The following AUTS2 variants were observed in gnomAD, a reference collection of about 807,000 sequenced individuals.
AUTS2 encodes autism susceptibility gene 2 protein.
Under a neutral mutation model 112.4 loss-of-function variants are expected in AUTS2, and 17 were observed. The observed-to-expected ratio is 0.15, with a 90% CI of 0.10 to 0.23. The LOEUF (loss-of-function observed/expected upper bound fraction) is 0.23, where lower values mean the gene tolerates loss of function less well. Ranked by LOEUF, AUTS2 falls within the 10% of genes least tolerant of loss-of-function variation. The pLI is 1.00. For synonymous variants in AUTS2, 751 were observed against 702.7 expected, an observed-to-expected ratio of 1.07 and a Z score of -1.09; for missense variants, 1,510 against 1,701.6, an observed-to-expected ratio of 0.89 and a Z score of 1.98.
intron 2 of AUTS2, among the ~76,000 whole-genome samples, chr7:70,088,124 TTTTG>T (rs1562679352): frequency 6.6e-6 from 1 of 152,038 alleles, no homozygotes; most frequent in African/African-American, 2.4e-5. Flanking sequence ...TCATTCATAT[TTTTG>T]TTTGTTTGTT....
At chr7:70,655,586 T>C (rs1366930248) in intron 5 of AUTS2, among the ~76,000 whole-genome samples, 1 of 152,182 alleles carries the variant, frequency 6.6e-6, no homozygotes, top group East Asian at 1.9e-4. Flanking sequence ...GCTGTTCTGT[T>C]TGAGCAGGGG....
intron 5 of AUTS2, among the ~76,000 whole-genome samples, chr7:70,517,479 C>A (rs1799461236): frequency 6.6e-6 from 1 of 151,566 alleles, no homozygotes; most frequent in Admixed American, 6.6e-5. Context: ...ATCTACAGAA[C>A]CAACTAGAGT....
chr7:70,419,488 G>A (rs759935985), intron 4 of AUTS2, among the ~76,000 whole-genome samples: 16 of 152,096 alleles, frequency 1.1e-4, no homozygotes, highest in Non-Finnish European at 1.2e-4. Flanking sequence ...TATATGAAGA[G>A]TCTATCTTAG....
chr7:70,084,709 A>G (rs537135655), intron 2 of AUTS2, among the ~76,000 whole-genome samples: 6 of 152,102 alleles, frequency 3.9e-5, no homozygotes, highest in Middle Eastern at 6.3e-3. Flanking sequence ...TCTTTTGCCA[A>G]TTTTTAAAAA....
chr7:70,515,600 A>C (rs967480805), intron 5 of AUTS2, among the ~76,000 whole-genome samples: 1 of 152,080 alleles, frequency 6.6e-6, no homozygotes, highest in Non-Finnish European at 1.5e-5. Flanking sequence ...AACGAGACCC[A>C]GGGGGACATT....
At chr7:70,600,160 GTTTT>G (rs1803405057) in intron 5 of AUTS2, among the ~76,000 whole-genome samples, 1 of 152,118 alleles carries the variant, frequency 6.6e-6, no homozygotes, top group Non-Finnish European at 1.5e-5. Context: ...TTTTCTGTTT[GTTTT>G]GTTTTCTAAT....
intron 2 of AUTS2, among the ~76,000 whole-genome samples, chr7:70,021,987 A>G (rs1172006245): frequency 6.6e-6 from 1 of 151,842 alleles, no homozygotes; most frequent in Non-Finnish European, 1.5e-5. Context: ...ATAGAGGCAA[A>G]GAGCATGGAC....
Position 70,791,092 on chromosome 7 carries a change from G to C in AUTS2, c.*96G>C. 8.6e-6 allele frequency: 11 copies of C among 1,276,724 alleles called. No homozygotes were observed. Among genetic ancestry groups the C allele is most frequent in the African/African-American group, 1.5e-5 (1 of 66,058 alleles). 79.1% of individuals were successfully genotyped at this position (1,276,724 alleles called of 1,614,324 possible). A position where few individuals can be genotyped will look rare whatever the true frequency, so the allele number is the denominator to read the frequency against. On this transcript the variant is annotated 3_prime_UTR_variant, in exon 19 of 19. Coordinates refer to ENST00000342771, the MANE Select transcript of AUTS2 (RefSeq NM_015570.4). ...ACTCCTGCATGGCTCACACAGACTG[G>C]GGGGGAAAGCCCCACCCCTTCCCCT...
chr7:70,269,054 T>A (rs1283045090), intron 4 of AUTS2, among the ~76,000 whole-genome samples: 2 of 152,168 alleles, frequency 1.3e-5, no homozygotes, highest in Non-Finnish European at 2.9e-5. Flanking sequence ...TGTGCAGCTG[T>A]TCTTCAATAA....
Position 69,853,008 on chromosome 7 carries a change from T to C in AUTS2, c.310-46278T>C, listed in dbSNP as rs191438004. ...TTGTGGTCAGAGAATACACTGTATA[T>C]GATTTCAGTTCTTTTAAATTTGCTA... On this transcript the variant is annotated intron_variant, in intron 1 of 18. Transcript: ENST00000342771. Among the ~76,000 whole-genome samples, 428 of 152,304 alleles carry C rather than the reference T, an allele frequency of 2.8e-3. 1 individual carries two copies. The highest frequency in any genetic ancestry group is 0.01 in the African/African-American group (417 of 41,564).
chr7:70,787,965 G>A (rs574098479), intron 18 of AUTS2, among the ~76,000 whole-genome samples: 5 of 152,174 alleles, frequency 3.3e-5, no homozygotes, highest in South Asian at 2.1e-4. Flanking sequence ...GTAGAGAAAC[G>A]TCGACAAGCA....
chr7:70,361,423 C>G (rs898377886), intron 4 of AUTS2, among the ~76,000 whole-genome samples: 6 of 152,090 alleles, frequency 3.9e-5, no homozygotes, highest in African/African-American at 1.4e-4. Flanking sequence ...GCTCAGTGTT[C>G]ATTTGTCATT....
chr7:70,030,419 A>G (rs746413536), intron 2 of AUTS2, among the ~76,000 whole-genome samples: 1 of 152,194 alleles, frequency 6.6e-6, no homozygotes, highest in Non-Finnish European at 1.5e-5. Context: ...ACCCGTGGTA[A>G]TGATGTAATG....
At chr7:70,373,758 G>A (rs886864990) in intron 4 of AUTS2, among the ~76,000 whole-genome samples, 1 of 152,058 alleles carries the variant, frequency 6.6e-6, no homozygotes, top group Non-Finnish European at 1.5e-5. Context: ...GTACAAAGAG[G>A]AGAATAAAAA....
chr7:70,502,008 G>A (rs1167449001), intron 5 of AUTS2, among the ~76,000 whole-genome samples: 2 of 152,128 alleles, frequency 1.3e-5, no homozygotes, highest in South Asian at 2.1e-4. Flanking sequence ...TGCTTTCCCT[G>A]TCAATAGCAT....
chr7:69,820,138 G>A (rs774091029), intron 1 of AUTS2, among the ~76,000 whole-genome samples: 4 of 152,122 alleles, frequency 2.6e-5, no homozygotes, highest in Admixed American at 6.6e-5. Flanking sequence ...ATAAAGAGCG[G>A]CTCCCACAGT....
intron 4 of AUTS2, among the ~76,000 whole-genome samples, chr7:70,229,060 A>T (rs541552113): frequency 8.0e-4 from 122 of 152,016 alleles, no homozygotes; most frequent in Admixed American, 1.8e-3. Flanking sequence ...GTCCTACAAC[A>T]CAATTTTACA....
chr7:70,013,665 T>C (rs995452578), intron 2 of AUTS2, among the ~76,000 whole-genome samples: 1 of 152,164 alleles, frequency 6.6e-6, no homozygotes, highest in African/African-American at 2.4e-5. Flanking sequence ...TCTAGTACCC[T>C]CTTTAACTTT....
intron 12 of AUTS2, 94 bp downstream of exon 12, chr7:70,774,193 T>G: frequency 3.5e-6 from 4 of 1,153,028 alleles, no homozygotes; most frequent in East Asian, 2.4e-5. Flanking sequence ...CCTTAGCTCC[T>G]TTGAGCGAGC....
Sources: allele counts gnomAD v4.1 joint callset (sites outside exome capture counted in the v4.1 genomes callset), GRCh38; gene constraint gnomAD v4.1.1; transcripts MANE v1.5; gene names NCBI Gene and HGNC (gene_info 2026-07-23, HGNC 2026-07-21).